LAMA2: variants seen among roughly 807,000 people sequenced by gnomAD.
The protein encoded by LAMA2 is laminin subunit alpha 2, also known as laminin subunit alpha-2.
In LAMA2, 269 loss-of-function variants were observed where a neutral mutation model predicts 364.8. That is an observed-to-expected ratio of 0.74 (90% confidence interval 0.67 to 0.82). The LOEUF is 0.82. LAMA2 is among the 40% of genes least tolerant of loss of function. The pLI is 0.00. For synonymous variants in LAMA2, 1,379 were observed against 1,370.6 expected (o/e 1.01, Z -0.14); for missense variants, 3,807 against 3,873.2 (o/e 0.98, Z 0.45).
chr6:129,411,113 G>A (rs186262503), intron 40 of LAMA2, among the ~76,000 whole-genome samples: 79 of 152,238 alleles, frequency 5.2e-4, no homozygotes, highest in African/African-American at 1.8e-3. Context: ...AGACACACCC[G>A]GAAATAATGT....
Position 129,440,916 on chromosome 6 carries a change from C to T in LAMA2, c.6186C>T (p.Leu2062=), listed in dbSNP as rs975864468. 2.5e-6 allele frequency: 4 copies of T among 1,613,758 alleles called. No individual in the cohort carries two copies. The highest frequency in any genetic ancestry group is 1.7e-5 in the Admixed American group (1 of 59,962). The change falls in exon 43 of 65, where the codon CTC becomes CTT. Residue 2062 remains leucine (L), a synonymous_variant. Coordinates refer to ENST00000421865, the MANE Select transcript of LAMA2 (RefSeq NM_000426.4). ...AGATTACAGAGCTCCACCAGAACCT[C>T]GATGGCCTGAAGAAGAATTACAATA... ...LAQITELHQN[L]DGLKKNYNKL...
chr6:129,381,253 T>G (rs1041219449), intron 34 of LAMA2, among the ~76,000 whole-genome samples: 6 of 152,192 alleles, frequency 3.9e-5, no homozygotes, highest in African/African-American at 9.6e-5. Context: ...CAGTAATATG[T>G]GAAAGTAAGA....
At chr6:129,252,027 C>T (rs560915290) in intron 13 of LAMA2, 57 bp from the exon 14 acceptor site, 5 of 1,177,388 alleles carry the variant, frequency 4.2e-6, no homozygotes, top group East Asian at 2.4e-5. Context: ...ATGTTTGACA[C>T]TTTTGTACCC....
intron 1 of LAMA2, among the ~76,000 whole-genome samples, chr6:128,933,207 T>C (rs1309827958): frequency 6.6e-6 from 1 of 151,550 alleles, no homozygotes; most frequent in African/African-American, 2.4e-5. Flanking sequence ...AATATTCCTC[T>C]ATCTCCCTCT....
intron 41 of LAMA2, among the ~76,000 whole-genome samples, chr6:129,434,450 C>A (rs966831749): frequency 6.6e-6 from 1 of 151,992 alleles, no homozygotes; most frequent in South Asian, 2.1e-4. Context: ...TGGATGTGAT[C>A]TTTAGAGAGA....
At chr6:129,070,538 A>T (rs141714068) in intron 3 of LAMA2, among the ~76,000 whole-genome samples, 15 of 147,656 alleles carry the variant, frequency 1.0e-4, no homozygotes, top group African/African-American at 3.7e-4. Flanking sequence ...ACTCTTTTGT[A>T]ACAGCTTCTT....
intron 29 of LAMA2, among the ~76,000 whole-genome samples, chr6:129,332,695 A>G (rs925647547): frequency 7.2e-5 from 11 of 152,084 alleles, no homozygotes; most frequent in African/African-American, 2.2e-4. Flanking sequence ...CTTTCTATGT[A>G]TCTTACATTT....
chr6:129,047,587 G>T (rs1222931172), intron 1 of LAMA2, among the ~76,000 whole-genome samples: 1 of 152,072 alleles, frequency 6.6e-6, no homozygotes, highest in Non-Finnish European at 1.5e-5. Context: ...AGAAAAGAAA[G>T]AAAAGATTCT....
intron 38 of LAMA2, among the ~76,000 whole-genome samples, chr6:129,402,122 T>C (rs1183183069): frequency 2.0e-5 from 3 of 151,264 alleles, no homozygotes. Context: ...GGCAGGAGAA[T>C]TGCTTGAACC....
At chr6:129,200,368 G>A (rs946946310) in intron 12 of LAMA2, among the ~76,000 whole-genome samples, 9 of 118,396 alleles carry the variant, frequency 7.6e-5, no homozygotes, top group Non-Finnish European at 1.8e-4. Context: ...ACATATACAC[G>A]TGTATGTGTA....
intron 6 of LAMA2, 31 bp downstream of exon 6, chr6:129,147,079 A>G: frequency 2.2e-6 from 3 of 1,351,442 alleles, no homozygotes; most frequent in Non-Finnish European, 3.2e-6. Flanking sequence ...CTTAGGCAAA[A>G]TGAAGCCCTG....
chr6:128,910,561 A>T (rs1412906175), intron 1 of LAMA2, among the ~76,000 whole-genome samples: 3 of 152,004 alleles, frequency 2.0e-5, no homozygotes, highest in Non-Finnish European at 4.4e-5. Context: ...AAAGTTTTCA[A>T]CTTCTTTGCC....
intron 1 of LAMA2, among the ~76,000 whole-genome samples, chr6:128,949,247 G>A (rs1780662410): frequency 6.6e-6 from 1 of 152,094 alleles, no homozygotes; most frequent in Non-Finnish European, 1.5e-5. Context: ...TTGTCAAAAT[G>A]CACTTTTGGT....
intron 40 of LAMA2, among the ~76,000 whole-genome samples, chr6:129,418,091 G>A (rs1305103616): frequency 1.3e-5 from 2 of 152,120 alleles, no homozygotes; most frequent in Non-Finnish European, 2.9e-5. Context: ...CAGACAGGCT[G>A]ACACTGCCAT....
chr6:129,369,743 T>C (rs1441478469), intron 33 of LAMA2, 149 bp from the exon 34 acceptor site: 1 of 704,898 alleles, frequency 1.4e-6, no homozygotes, highest in East Asian at 2.7e-5. Flanking sequence ...TGACACTCAA[T>C]GTGTAAGTGC....
chr6:128,994,972 C>T (rs1036452687), intron 1 of LAMA2, among the ~76,000 whole-genome samples: 2 of 152,114 alleles, frequency 1.3e-5, no homozygotes, highest in Non-Finnish European at 2.9e-5. Context: ...TTCAGTGACA[C>T]ATTTAATTAG....
At chr6:129,282,225 G>A (rs1788770548) in intron 18 of LAMA2, among the ~76,000 whole-genome samples, 1 of 152,176 alleles carries the variant, frequency 6.6e-6, no homozygotes, top group Admixed American at 6.5e-5. Flanking sequence ...CCTACAGTGT[G>A]TAATTAAGAA....
chr6:129,500,147 T>A lies in LAMA2; in HGVS notation c.8245-2512T>A, dbSNP rs563928881. Among the ~76,000 whole-genome samples the A allele has an allele frequency of 3.3e-5, 5 of 152,282 alleles. No individual in the cohort carries two copies. The South Asian group carries it at 6.2e-4, about 19-fold the overall frequency. ...CAAGCAAGGGGGAGGTCGAGATTTG[T>A]ACAAAACACTACCAAATTAGAGGGT... On this transcript the variant is annotated intron_variant, in intron 58 of 64. Coordinates refer to ENST00000421865, the MANE Select transcript of LAMA2 (RefSeq NM_000426.4).
chr6:129,271,141 T>C (rs1446497255), intron 17 of LAMA2, among the ~76,000 whole-genome samples: 1 of 152,156 alleles, frequency 6.6e-6, no homozygotes, highest in Non-Finnish European at 1.5e-5. Flanking sequence ...GTTCTACCCA[T>C]ACACTATTTT....
Sources: gnomAD v4.1 joint callset for allele counts (sites outside exome capture counted in the v4.1 genomes callset) on GRCh38, gnomAD v4.1.1 for gene constraint, MANE v1.5 for transcripts, NCBI Gene and HGNC (gene_info 2026-07-23, HGNC 2026-07-21) for gene names.